The following GDPD5 variants were observed in gnomAD, a reference collection of about 807,000 sequenced individuals.
GDPD5 encodes the protein glycerophosphodiester phosphodiesterase 2.
Under a neutral mutation model 75.1 loss-of-function variants are expected in GDPD5, and 48 were observed. The ratio of observed to expected loss-of-function variants is 0.64; its 90% confidence interval spans 0.51 to 0.81. The LOEUF (loss-of-function observed/expected upper bound fraction) is 0.81, where lower values mean the gene tolerates loss of function less well. GDPD5 is among the 40% of genes least tolerant of loss of function. GDPD5 has a pLI of 0.00. For missense variants in GDPD5, 706 were observed against 822.6 expected (o/e 0.86, Z 1.73); for synonymous variants, 336 against 339.0 (o/e 0.99, Z 0.10).
chr11:75,458,673 A>AAAATAAATAAATAAATAAATAAAT (rs71036053), intron 4 of GDPD5, among the ~76,000 whole-genome samples: 25 of 147,410 alleles, frequency 1.7e-4, no homozygotes, highest in East Asian at 6.0e-4. Flanking sequence ...CTCTGTCTCA[A>AAAATAAATAAATAAATAAATAAAT]AAATAAATAA....
intron 9 of GDPD5, 77 bp from the exon 10 acceptor site, chr11:75,444,572 T>C (rs1948940494): frequency 8.8e-7 from 1 of 1,142,554 alleles, no homozygotes; most frequent in Non-Finnish European, 1.3e-6. Flanking sequence ...AAGTCTTTCA[T>C]GTTGGGAGGC....
intron 1 of GDPD5, among the ~76,000 whole-genome samples, chr11:75,505,720 G>C (rs546777194): frequency 2.0e-5 from 3 of 152,314 alleles, no homozygotes; most frequent in Admixed American, 2.0e-4. Context: ...TGAGACCCAA[G>C]TGGATTTGGT....
At chr11:75,464,964 C>G (rs1244183844) in intron 3 of GDPD5, among the ~76,000 whole-genome samples, 1 of 152,136 alleles carries the variant, frequency 6.6e-6, no homozygotes, top group Admixed American at 6.5e-5. Flanking sequence ...CACCCTCCAG[C>G]CAGCACCCCA....
rs369403585 is a variant in GDPD5, at chr11:75,439,956, C to T, written c.1479G>A (p.Pro493=). ...QVPSPLWIMP[P]DEYCLMWVTA... ...TGACCCACATGAGACAGTACTCGTC[C>T]GGGGGCTGTGGACAGACGGCCCGAG... Residue 493 remains proline, a synonymous_variant, in exon 15 of 17, where the codon CCG becomes CCA. Transcript: ENST00000336898. The T allele has an allele frequency of 1.1e-5, 18 of 1,613,104 alleles. No individual in the cohort carries two copies. Among genetic ancestry groups the T allele is most frequent in the South Asian group, 2.2e-5 (2 of 90,994 alleles).
At chr11:75,449,407 C>T (rs1949070766) in intron 8 of GDPD5, 110 bp downstream of exon 8, 1 of 1,146,690 alleles carries the variant, frequency 8.7e-7, no homozygotes, top group Non-Finnish European at 1.3e-6. Context: ...AGTGCAGGGG[C>T]CCCACCCCAT....
chr11:75,439,255 G>A (rs888176477), intron 15 of GDPD5: 27 of 444,220 alleles, frequency 6.1e-5, no homozygotes, highest in East Asian at 5.6e-4. Flanking sequence ...CTTGGTGCAC[G>A]GTGGGTTTTT....
chr11:75,436,650 G>T (rs1948633029), intron 16 of GDPD5, among the ~76,000 whole-genome samples: 1 of 152,076 alleles, frequency 6.6e-6, no homozygotes, highest in African/African-American at 2.4e-5. Flanking sequence ...CTTCAAAACA[G>T]ACTCCTCTCC....
intron 1 of GDPD5, among the ~76,000 whole-genome samples, chr11:75,502,221 C>T (rs1394599915): frequency 6.6e-6 from 1 of 152,222 alleles, no homozygotes; most frequent in Non-Finnish European, 1.5e-5. Flanking sequence ...GAGCTAAGTC[C>T]CTGCTCCAGG....
chr11:75,453,727 A>C (rs1195474451), intron 6 of GDPD5, among the ~76,000 whole-genome samples: 2 of 152,190 alleles, frequency 1.3e-5, no homozygotes, highest in African/African-American at 4.8e-5. Context: ...ATTCATAAAT[A>C]GATCCAAATA....
chr11:75,516,651 C>A (rs1950644876), intron 1 of GDPD5, among the ~76,000 whole-genome samples: 1 of 152,218 alleles, frequency 6.6e-6, no homozygotes, highest in Admixed American at 6.5e-5. Context: ...CAGGGGTCAG[C>A]TCCCCAGCAA....
chr11:75,506,700 C>G (rs576333290), intron 1 of GDPD5: 43 of 152,490 alleles, frequency 2.8e-4, no homozygotes, highest in African/African-American at 1.0e-3. Flanking sequence ...GTTCACGGAG[C>G]CTGCAGAGGG....
At chr11:75,447,672 CT>C (rs1276277678) in intron 9 of GDPD5, among the ~76,000 whole-genome samples, 1 of 152,182 alleles carries the variant, frequency 6.6e-6, no homozygotes, top group African/African-American at 2.4e-5. Context: ...CAGCATACCA[CT>C]TATGTCCCCT....
chr11:75,516,116 A>T (rs1950634323), intron 1 of GDPD5: 1 of 152,296 alleles, frequency 6.6e-6, no homozygotes, highest in Non-Finnish European at 1.5e-5. Flanking sequence ...AATGGGCTCC[A>T]TGCTGCTGGC....
intron 14 of GDPD5, 134 bp downstream of exon 14, chr11:75,441,029 C>T (rs1233189883): frequency 3.1e-5 from 26 of 843,310 alleles, no homozygotes; most frequent in African/African-American, 1.3e-4. Flanking sequence ...CAAGCCTGCA[C>T]GCCCACCATG....
At chr11:75,519,311 C>T (rs1276592074) in intron 1 of GDPD5, among the ~76,000 whole-genome samples, 1 of 152,174 alleles carries the variant, frequency 6.6e-6, no homozygotes, top group African/African-American at 2.4e-5. Context: ...GGAAGGCTTC[C>T]CTGACTCCCC....
At chr11:75,477,394 G>T (rs981072980) in intron 3 of GDPD5, among the ~76,000 whole-genome samples, 3 of 152,240 alleles carry the variant, frequency 2.0e-5, no homozygotes, top group African/African-American at 7.2e-5. Context: ...AATGTCAGAG[G>T]AGAGTTAACA....
At position 75,442,805 on chromosome 11, in the gene GDPD5, G is replaced by C. The variant is rs904339755; in HGVS notation, c.949-224C>G. On this transcript the variant is annotated intron_variant, in intron 11 of 16. Transcript: ENST00000336898. ...GACGGAGGACGGCTTGCTTGGAATCGCTCCCAGACCCACAGCATTTCTCCT... is the reference window on the plus strand; with the variant it reads ...GACGGAGGACGGCTTGCTTGGAATCCCTCCCAGACCCACAGCATTTCTCCT... The C allele has an allele frequency of 1.8e-5, 11 of 604,260 alleles. No individual in the cohort carries two copies. The African/African-American group carries it at 2.0e-4, about 11-fold the overall frequency. 37.4% of individuals were successfully genotyped at this position (604,260 alleles called of 1,614,324 possible). A position where few individuals can be genotyped will look rare whatever the true frequency, so the allele number is the denominator to read the frequency against.
Position 75,449,078 on chromosome 11 carries a change from C to CA in GDPD5, c.612dup (p.Ala205CysfsTer58). On this transcript the variant is annotated frameshift_variant, in exon 9 of 17. Coordinates refer to ENST00000336898, the MANE Select transcript of GDPD5 (RefSeq NM_030792.8). LOFTEE classifies it high-confidence loss of function. The stretch of plus-strand genomic sequence containing the variant: ...ATGGTGAGAGGGGCCAGGTAGAGGG[C>CA]AAACACCACGGTGAAGAAGGTACAG... 1 of 1,606,322 alleles carries CA rather than the reference C, an allele frequency of 6.2e-7. No homozygotes were observed. The highest frequency in any genetic ancestry group is 8.5e-7 in the Non-Finnish European group (1 of 1,177,086).
intron 2 of GDPD5, among the ~76,000 whole-genome samples, chr11:75,480,366 T>A (rs1443693471): frequency 6.6e-6 from 1 of 151,990 alleles, no homozygotes; most frequent in Non-Finnish European, 1.5e-5. Context: ...ATATGGTAAC[T>A]TTTGTTTTTG....
Sources: allele counts gnomAD v4.1 joint callset (sites outside exome capture counted in the v4.1 genomes callset), GRCh38; gene constraint gnomAD v4.1.1; transcripts MANE v1.5; gene names NCBI Gene and HGNC (gene_info 2026-07-23, HGNC 2026-07-21).